The following CYB561A3 variants were observed in gnomAD, a reference collection of about 807,000 sequenced individuals.
CYB561A3 encodes cytochrome b561 family member A3, also known as lysosomal membrane ascorbate-dependent ferrireductase CYB561A3.
CYB561A3 carries 16 observed loss-of-function variants against 25.3 expected under a neutral mutation model. The ratio of observed to expected loss-of-function variants is 0.63; its 90% CI spans 0.43 to 0.96. The LOEUF (loss-of-function observed/expected upper bound fraction) is 0.96. Ranked by LOEUF, CYB561A3 falls within the 40% of genes least tolerant of loss-of-function variation. The pLI, the probability that CYB561A3 is intolerant of heterozygous loss-of-function variation, is 0.00. For missense variants in CYB561A3, 219 were observed against 307.5 expected (o/e 0.71, Z 2.15); for synonymous variants, 131 against 129.9 (o/e 1.01, Z -0.06).
chr11:61,356,409 C>CA, intron 3 of CYB561A3, 121 bp downstream of exon 3: 17 of 658,492 alleles, frequency 2.6e-5, no homozygotes, highest in Non-Finnish European at 3.3e-5. Flanking sequence ...AGAGACAGCC[C>CA]AACCCACCCT....
At chr11:61,356,992 C>T (rs1003719090) in intron 2 of CYB561A3, 6 of 1,466,658 alleles carry the variant, frequency 4.1e-6, no homozygotes, top group Non-Finnish European at 4.5e-6. Flanking sequence ...CTGGCCCTGG[C>T]GAAGGCCAGA....
intron 2 of CYB561A3, chr11:61,357,279 C>T (rs1175371034): frequency 1.9e-6 from 3 of 1,540,542 alleles, no homozygotes. Flanking sequence ...GGAGAGGTAA[C>T]CAGGCCTTCA....
chr11:61,351,658 G>A lies in CYB561A3; in HGVS notation c.549-511C>T, dbSNP rs944636150. 29 of 151,924 alleles carry A rather than the reference G, an allele frequency of 1.9e-4. 1 individual carries two copies. Among genetic ancestry groups the A allele is most frequent in the Admixed American group, 1.9e-3 (29 of 15,256 alleles). 9.4% of individuals were successfully genotyped at this position (151,924 alleles called of 1,614,324 possible). A position where few individuals can be genotyped will look rare whatever the true frequency, so the allele number is the denominator to read the frequency against. On this transcript the variant is annotated intron_variant, in intron 5 of 6. Coordinates refer to ENST00000294072, the MANE Select transcript of CYB561A3 (RefSeq NM_153611.6). ...GAGCCAGGTGCAGCGGCTCACTCTT[G>A]TAATCCCAGCACTTTGGGAGGCCAA... is the stretch of plus-strand genomic sequence containing the variant.
At chr11:61,353,508 A>G (rs527572812) in intron 4 of CYB561A3, 2 of 671,362 alleles carry the variant, frequency 3.0e-6, no homozygotes, top group South Asian at 1.5e-5. Context: ...TGGAAGCCAG[A>G]TGGCTGATTA....
intron 3 of CYB561A3, chr11:61,354,614 CT>C (rs1461683461): frequency 2.0e-5 from 3 of 152,132 alleles, no homozygotes; most frequent in Non-Finnish European, 2.9e-5. Context: ...GCACTCTAGC[CT>C]GAAAAAGAGG....
intron 5 of CYB561A3, chr11:61,351,927 T>C (rs1857430396): frequency 6.6e-6 from 1 of 152,016 alleles, no homozygotes; most frequent in African/African-American, 2.4e-5. Flanking sequence ...GCTGGGGGGA[T>C]AAAAGGAGAG....
intron 4 of CYB561A3, chr11:61,353,434 G>T: frequency 1.6e-6 from 1 of 636,430 alleles, no homozygotes; most frequent in Non-Finnish European, 2.9e-6. Flanking sequence ...GCACAGGCCT[G>T]AGATCAGAAT....
At chr11:61,355,077 C>T (rs1481688625) in intron 3 of CYB561A3, among the ~76,000 whole-genome samples, 3 of 151,852 alleles carry the variant, frequency 2.0e-5, no homozygotes, top group Admixed American at 2.0e-4. Flanking sequence ...ACTGTGTTAG[C>T]GAGGATGGTC....
At chr11:61,358,944 C>G (rs976254708) in intron 1 of CYB561A3, 1 of 152,204 alleles carries the variant, frequency 6.6e-6, no homozygotes, top group Non-Finnish European at 1.5e-5. Context: ...GAAGGTCCAG[C>G]CAGGCTCGGT....
rs535785719 is a variant in CYB561A3, at chr11:61,349,661, G to A, written c.*738C>T. ...AGCAGCAGCTGGAAGAGGTGGAGCC[G>A]CACGGTCACAATACATGCAGACACA... On this transcript the variant is annotated 3_prime_UTR_variant, in exon 7 of 7. Transcript: ENST00000294072. 2.6e-5 allele frequency: 18 copies of A among 702,632 alleles called. No individual in the cohort carries two copies. The highest frequency in any genetic ancestry group is 7.0e-5 in the African/African-American group (4 of 57,358). 43.5% of individuals were successfully genotyped at this position (702,632 alleles called of 1,614,324 possible). A position where few individuals can be genotyped will look rare whatever the true frequency, so the allele number is the denominator to read the frequency against.
At chr11:61,350,963 C>T (rs771943402) in intron 6 of CYB561A3, 28 bp downstream of exon 6, 10 of 1,603,824 alleles carry the variant, frequency 6.2e-6, no homozygotes, top group Non-Finnish European at 8.5e-6. Flanking sequence ...CCCTGTCCCA[C>T]CCTGGAATGT....
rs1367521827 is a variant in CYB561A3, at chr11:61,357,842, G to A, written c.-111-14C>T. ...TGCAGGACTCACCTGCAAGAAAGGC[G>A]TGGCAGTAAGAATACTTGAACAGTA... On this transcript the variant is annotated splice_polypyrimidine_tract_variant and intron_variant, in intron 1 of 6. Coordinates refer to ENST00000294072, the MANE Select transcript of CYB561A3 (RefSeq NM_153611.6). 5 of 152,626 alleles carry A rather than the reference G, an allele frequency of 3.3e-5. No individual in the cohort carries two copies. The highest frequency in any genetic ancestry group is 6.5e-5 in the Admixed American group (1 of 15,308). The allele number at this position is 152,626 out of a possible 1,614,324, so 9.5% of individuals were successfully genotyped here.
At chr11:61,357,079 AC>A (rs1857678339) in intron 2 of CYB561A3, 10 of 1,414,476 alleles carry the variant, frequency 7.1e-6, no homozygotes, top group Admixed American at 5.9e-5. Context: ...ACCACCCCAT[AC>A]CCCCCAGGAA....
At chr11:61,351,249 G>T in intron 5 of CYB561A3, 102 bp from the exon 6 acceptor site, 1 of 1,270,596 alleles carries the variant, frequency 7.9e-7, no homozygotes, top group Non-Finnish European at 1.0e-6. Context: ...AAACCTTCCC[G>T]GGTCCATATG....
At chr11:61,353,183 C>T (rs1187427734) in intron 4 of CYB561A3, 44 bp from the exon 5 acceptor site, 1 of 1,546,498 alleles carries the variant, frequency 6.5e-7, no homozygotes, top group East Asian at 2.2e-5. Flanking sequence ...CTATGTGTGA[C>T]CAAAGCACAT....
chr11:61,356,358 C>T lies in CYB561A3; in HGVS notation c.184+172G>A. 3.3e-6 allele frequency: 3 copies of T among 918,028 alleles called. No individual in the cohort carries two copies. In the South Asian group the frequency reaches 5.7e-5, roughly 17 times the overall value. The allele number at this position is 918,028 out of a possible 1,614,324, so 56.9% of individuals were successfully genotyped here. Reference sequence around the variant, plus strand: ...GTGAAGCCACCCTTCTGAGATGCCCCCCATCTTAACCCCTTCCTCCCCCAA... The same window carrying T: ...GTGAAGCCACCCTTCTGAGATGCCCTCCATCTTAACCCCTTCCTCCCCCAA... On this transcript the variant is annotated intron_variant, in intron 3 of 6. Coordinates refer to ENST00000294072, the MANE Select transcript of CYB561A3 (RefSeq NM_153611.6).
At position 61,350,138 on chromosome 11, in the gene CYB561A3, C is replaced by A; in HGVS notation, c.*261G>T. On this transcript the variant is annotated 3_prime_UTR_variant, in exon 7 of 7. Transcript: ENST00000294072. ...CAGCCAGAGAAGGCAGGCCCAGCAC[C>A]CAGGCAAAGCCACCAAGGAAAGCAG... is the stretch of plus-strand genomic sequence containing the variant. The A allele has an allele frequency of 1.7e-6, 1 of 584,266 alleles. No individual in the cohort carries two copies. The highest frequency in any genetic ancestry group is 2.1e-5 in the South Asian group (1 of 48,516). 36.2% of individuals were successfully genotyped at this position (584,266 alleles called of 1,614,324 possible).
At chr11:61,356,377 C>A (rs1857653683) in intron 3 of CYB561A3, 153 bp downstream of exon 3, 1 of 968,888 alleles carries the variant, frequency 1.0e-6, no homozygotes. Context: ...ACCCCTTCCT[C>A]CCCCAAATGA....
intron 4 of CYB561A3, 187 bp from the exon 5 acceptor site, chr11:61,353,326 G>A (rs755418224): frequency 2.7e-6 from 2 of 734,580 alleles, no homozygotes; most frequent in Non-Finnish European, 4.3e-6. Flanking sequence ...AACAAGAACA[G>A]TAAATGACAT....
Sources: gnomAD v4.1 joint callset for allele counts (sites outside exome capture counted in the v4.1 genomes callset) on GRCh38, gnomAD v4.1.1 for gene constraint, MANE v1.5 for transcripts, NCBI Gene and HGNC (gene_info 2026-07-23, HGNC 2026-07-21) for gene names.